The following KCP variants were observed in gnomAD, a reference collection of about 807,000 sequenced individuals.
KCP encodes kielin cysteine rich BMP regulator, also known as kielin/chordin-like protein.
KCP carries 194 observed loss-of-function variants against 212.7 expected under a neutral mutation model. The ratio of observed to expected loss-of-function variants is 0.91; its 90% CI spans 0.81 to 1.03. KCP has a LOEUF of 1.03. Among genes scored for constraint, KCP ranks in the 50% least tolerant of loss-of-function variants. The pLI, the probability that KCP is intolerant of heterozygous loss-of-function variation, is 0.00. For missense variants in KCP, 2,080 were observed against 2,162.5 expected (o/e 0.96, Z 0.76); for synonymous variants, 833 against 865.3 (o/e 0.96, Z 0.65).
At chr7:128,884,584 C>T (rs879555335) in intron 28 of KCP, among the ~76,000 whole-genome samples, 197 bp downstream of exon 28, 5 of 152,214 alleles carry the variant, frequency 3.3e-5, no homozygotes, top group Non-Finnish European at 5.9e-5. Context: ...ACACTTGGAA[C>T]CTGCGCTCCT....
At chr7:128,890,606 T>TCGTGGGGGC in intron 20 of KCP, 93 bp from the exon 21 acceptor site, 2 of 561,226 alleles carry the variant, frequency 3.6e-6, no homozygotes, top group Non-Finnish European at 4.9e-6. Context: ...AGGACGGGTG[T>TCGTGGGGGC]CGTGGGGGCC....
In KCP at chr7:128,879,777, C is replaced by T; in HGVS notation, c.3985G>A (p.Glu1329Lys). The T allele has an allele frequency of 6.4e-7, 1 of 1,550,716 alleles. No individual in the cohort carries two copies. Among genetic ancestry groups the T allele is most frequent in the South Asian group, 1.2e-5 (1 of 84,058 alleles). Residue 1329 changes from glutamate to lysine, a missense_variant, in exon 36 of 40, where the codon GAG (glutamate) becomes AAG (lysine). Glu to Lys is a moderately conservative substitution (Grantham distance 56). Coordinates refer to ENST00000610776, the MANE Select transcript of KCP (RefSeq NM_001366122.1). ...RGRSGVAWTQ[E>K]VAVLLGDMAV... ...ATGTCTCCCAGCAGCACCGCCACCT[C>T]CTGGGTCCAGGCCACACCGCTCCGG... is the stretch of plus-strand genomic sequence containing the variant.
chr7:128,884,802 G>A lies in KCP; in HGVS notation c.3102C>T (p.Pro1034=). 6.4e-7 allele frequency: 1 copy of A among 1,551,084 alleles called. No homozygotes were observed. The highest frequency in any genetic ancestry group is 8.7e-7 in the Non-Finnish European group (1 of 1,146,960). Reference sequence around the variant, plus strand: ...CTACCTCGCAGATGCACACTTCACAGGGGTCTGCCCCAGGCTGGAAGCTCT... The same window carrying A: ...CTACCTCGCAGATGCACACTTCACAAGGGTCTGCCCCAGGCTGGAAGCTCT... The part of the protein sequence containing the change: ...PGESFQPGAD[P]CEVCICEPQP... The change falls in exon 28 of 40, where the codon CCC becomes CCT. Residue 1034 remains proline, a synonymous_variant. Transcript: ENST00000610776.
At chr7:128,902,166 A>C (rs1382155994) in intron 8 of KCP, among the ~76,000 whole-genome samples, 1 of 152,202 alleles carries the variant, frequency 6.6e-6, no homozygotes, top group African/African-American at 2.4e-5. Flanking sequence ...AGGTGCTGGG[A>C]TCACAGTCAT....
intron 8 of KCP, 75 bp downstream of exon 8, chr7:128,902,702 C>T: frequency 7.4e-7 from 1 of 1,345,386 alleles, no homozygotes; most frequent in Non-Finnish European, 1.0e-6. Flanking sequence ...CGAAGTACTC[C>T]ATAGAATGAG....
intron 26 of KCP, 103 bp from the exon 27 acceptor site, chr7:128,885,373 G>A (rs1793588135): frequency 1.7e-6 from 2 of 1,195,334 alleles, no homozygotes; most frequent in Non-Finnish European, 2.3e-6. Flanking sequence ...CGCCAGGAGT[G>A]AGTTTGCAGG....
At position 128,877,211 on chromosome 7, in the gene KCP, TG is replaced by T; in HGVS notation, c.4718del (p.Ala1573GlufsTer5). On this transcript the variant is annotated frameshift_variant, in exon 40 of 40. Transcript: ENST00000610776. LOFTEE classifies it high-confidence loss of function. ...GCACGCAGGGCCTCACGCAGTGGGCTGCCAGCTCCCCCAGGGGGATATGCTG... is the reference window on the plus strand; with the variant it reads ...GCACGCAGGGCCTCACGCAGTGGGCTCCAGCTCCCCCAGGGGGATATGCTG... Reference protein sequence around the residue: ...FNQHIPLGELAAHCVRPCVPG... With the variant: ...FNQHIPLGELXAHCVRPCVPG... 6.1e-6 allele frequency: 9 copies of T among 1,477,408 alleles called. No homozygotes were observed. The South Asian group carries it at 1.1e-4, about 18-fold the overall frequency. 91.5% of individuals were successfully genotyped at this position (1,477,408 alleles called of 1,614,324 possible).
At chr7:128,894,327 C>T (rs1794389037) in intron 8 of KCP, 34 bp from the exon 9 acceptor site, 3 of 1,457,512 alleles carry the variant, frequency 2.1e-6, no homozygotes, top group Non-Finnish European at 2.8e-6. Context: ...AAGGGGCCGA[C>T]AGGGCTCAAC....
chr7:128,878,898 C>G, intron 37 of KCP, 176 bp from the exon 38 acceptor site: 1 of 603,442 alleles, frequency 1.7e-6, no homozygotes. Flanking sequence ...CAAGTGGATA[C>G]ATTCTGTGCC....
intron 2 of KCP, 122 bp downstream of exon 2, chr7:128,908,304 A>AAGAAAGAAAGAAAG (rs1443262180): frequency 1.4e-6 from 1 of 709,524 alleles, no homozygotes; most frequent in African/African-American, 1.9e-5. Context: ...GAAAGAAAGA[A>AAGAAAGAAAGAAAG]AGGGAATTGT....
chr7:128,905,629 A>G (rs1795085652), intron 5 of KCP, among the ~76,000 whole-genome samples: 1 of 152,104 alleles, frequency 6.6e-6, no homozygotes, highest in Admixed American at 6.6e-5. Context: ...CCAGGTGAAT[A>G]TTCCTCAAGC....
In KCP at chr7:128,893,918, C is replaced by A; in HGVS notation, c.1006-19G>T. 1 of 1,550,738 alleles carries A rather than the reference C, an allele frequency of 6.4e-7. No homozygotes were observed. Among genetic ancestry groups the A allele is most frequent in the South Asian group, 1.2e-5 (1 of 84,048 alleles). On this transcript the variant is annotated intron_variant, in intron 10 of 39. Transcript: ENST00000610776. ...TCCCATTCTGCCAACAGGGCCTGGTCAGCACGCCAGAGGCAGGCCCCGGAG... is the reference window on the plus strand; with the variant it reads ...TCCCATTCTGCCAACAGGGCCTGGTAAGCACGCCAGAGGCAGGCCCCGGAG...
intron 23 of KCP, 122 bp downstream of exon 23, chr7:128,887,093 C>G (rs1793700210): frequency 1.4e-5 from 15 of 1,086,932 alleles, no homozygotes; most frequent in Non-Finnish European, 1.9e-5. Context: ...CAGTCCTGTC[C>G]CATGAGATGT....
In KCP at chr7:128,885,213, C is replaced by T. The variant is rs936826695; in HGVS notation, c.2924G>A (p.Ser975Asn). ...GTGACACACACAGGAGGAGCAGGCA[C>T]TGTCGGGGGGCACCCATCTACTGCC... ...PEGSRWVPPD[S>N]ACSSCVCHEG... The change falls in exon 27 of 40, where the codon AGT (serine) becomes AAT (asparagine). Residue 975 changes from serine (S) to asparagine (N), a missense_variant. Ser to Asn is a conservative substitution (Grantham distance 46, BLOSUM62 1). Transcript: ENST00000610776. The T allele has an allele frequency of 3.1e-5, 48 of 1,550,698 alleles. No individual in the cohort carries two copies. In the African/African-American group the frequency reaches 6.2e-4, roughly 20 times the overall value.
chr7:128,895,567 T>A (rs762862938), intron 8 of KCP, among the ~76,000 whole-genome samples: 34 of 152,174 alleles, frequency 2.2e-4, no homozygotes, highest in Admixed American at 1.4e-3. Context: ...AGGGGCTAGG[T>A]AAAATGAGGC....
chr7:128,886,388 G>T, intron 26 of KCP, 76 bp downstream of exon 26: 1 of 1,239,498 alleles, frequency 8.1e-7, no homozygotes, highest in South Asian at 1.5e-5. Flanking sequence ...GCTGGCTGAG[G>T]GGAGGGAGGT....
rs1585218181 is a variant in KCP at position 128,890,364 on chromosome 7, C to T, written c.2314G>A (p.Asp772Asn). 7 of 1,551,416 alleles carry T rather than the reference C, an allele frequency of 4.5e-6. No individual in the cohort carries two copies. The highest frequency in any genetic ancestry group is 6.1e-6 in the Non-Finnish European group (7 of 1,146,966). Residue 772 changes from aspartate (D) to asparagine (N), a missense_variant, in exon 21 of 40, where the codon GAC becomes AAC. Transcript: ENST00000610776. ...TCACCATCACAGTCAGGGCAGCAGTCGCCCCTGGCAGGGAAGGGGCACAGT... is the reference window on the plus strand; with the variant it reads ...TCACCATCACAGTCAGGGCAGCAGTTGCCCCTGGCAGGGAAGGGGCACAGT... ...PALCPFPARG[D>N]CCPDCDGCEY...
intron 4 of KCP, 103 bp downstream of exon 4, chr7:128,906,998 G>T: frequency 1.7e-6 from 2 of 1,143,324 alleles, no homozygotes; most frequent in Non-Finnish European, 2.5e-6. Flanking sequence ...GGGAGTGGCA[G>T]GCAGAGCCCA....
rs539779657 is a variant in KCP, at chr7:128,910,635, G to A, written c.42C>T (p.His14=). 304 of 1,519,054 alleles carry A rather than the reference G, an allele frequency of 2.0e-4. 1 individual carries two copies. In the East Asian group the frequency reaches 6.4e-3, roughly 32 times the overall value. 94.1% of individuals were successfully genotyped at this position (1,519,054 alleles called of 1,614,324 possible). ...VGAAALSLLL[H]LGALALAAGA... The stretch of plus-strand genomic sequence containing the variant: ...CCGCGGCCAGCGCCAGGGCCCCGAG[G>A]TGCAGGAGAAGGGACAGCGCAGCGG... The change falls in exon 1 of 40, where the codon CAC becomes CAT. Residue 14 remains histidine (H), a synonymous_variant. Transcript: ENST00000610776.
Sources: allele counts gnomAD v4.1 joint callset (sites outside exome capture counted in the v4.1 genomes callset), GRCh38; gene constraint gnomAD v4.1.1; transcripts MANE v1.5; gene names NCBI Gene and HGNC (gene_info 2026-07-23, HGNC 2026-07-21).